The following CCDC61 variants were observed in gnomAD, a reference collection of about 807,000 sequenced individuals.
The protein encoded by CCDC61 is coiled-coil domain containing 61.
A neutral mutation model predicts 63.0 loss-of-function variants in CCDC61; 55 were observed. The ratio of observed to expected loss-of-function variants is 0.87; its 90% CI spans 0.70 to 1.09. The LOEUF (loss-of-function observed/expected upper bound fraction) is 1.09, where lower values mean the gene tolerates loss of function less well. Ranked by LOEUF, CCDC61 falls within the 50% of genes least tolerant of loss-of-function variation. The probability of loss-of-function intolerance (pLI) is 0.00; values close to 1 mark genes in which losing one functional copy is unlikely to be tolerated. For missense variants in CCDC61, 651 were observed against 731.4 expected (o/e 0.89, Z 1.27); for synonymous variants, 270 against 317.0 (o/e 0.85, Z 1.58).
At chr19:46,011,179 G>A (rs1345482828) in intron 5 of CCDC61, among the ~76,000 whole-genome samples, 1 of 151,728 alleles carries the variant, frequency 6.6e-6, no homozygotes, top group Non-Finnish European at 1.5e-5. Context: ...TTCCTGAGTA[G>A]CTGGGACTAC....
chr19:46,016,506 C>A lies in CCDC61; in HGVS notation c.1091+113C>A. 7.1e-7 allele frequency: 1 copy of A among 1,405,954 alleles called. No homozygotes were observed. Among genetic ancestry groups the A allele is most frequent in the Non-Finnish European group, 9.8e-7 (1 of 1,018,114 alleles). 87.1% of individuals were successfully genotyped at this position (1,405,954 alleles called of 1,614,324 possible). A position where few individuals can be genotyped will look rare whatever the true frequency, so the allele number is the denominator to read the frequency against. On this transcript the variant is annotated intron_variant, in intron 9 of 13. Coordinates refer to ENST00000595358, the MANE Select transcript of CCDC61 (RefSeq NM_001267723.2). The surrounding 1 kb of genome is among the most constrained non-coding windows in gnomAD (Gnocchi z 7.2). The stretch of plus-strand genomic sequence containing the variant: ...CATCCCCTGCCACCTGCTCGCTTCT[C>A]GCCGGATACCCCGCCTGCTCTCCCT...
Position 46,016,903 on chromosome 19 carries a change from C to A in CCDC61, c.1231+70C>A. ...GCGGGGCTGGGCGGGCTGGGAGGCA[C>A]TGGGCAGGGCGGGCGGGCTGGGAGG... On this transcript the variant is annotated intron_variant, in intron 10 of 13. Coordinates refer to ENST00000595358, the MANE Select transcript of CCDC61 (RefSeq NM_001267723.2). The surrounding 1 kb of genome is among the most constrained non-coding windows in gnomAD (Gnocchi z 7.2). The A allele has an allele frequency of 7.7e-6, 3 of 391,004 alleles. No individual in the cohort carries two copies. The highest frequency in any genetic ancestry group is 1.0e-5 in the Non-Finnish European group (2 of 200,200). The allele number at this position is 391,004 out of a possible 1,614,324, so 24.2% of individuals were successfully genotyped here.
rs1362510218 is a variant in CCDC61 at position 45,999,203 on chromosome 19, G to A, written c.-12+3699G>A. On this transcript the variant is annotated intron_variant, in intron 1 of 13. Transcript: ENST00000595358. ...GGAGAGGGAGTTGATGCCCCAGGGG[G>A]AACTGGGGTGCCGCAGTGTGCACCG... is the stretch of plus-strand genomic sequence containing the variant. Among the ~76,000 whole-genome samples the A allele has an allele frequency of 1.3e-5, 2 of 152,136 alleles. 1 individual carries two copies. Among genetic ancestry groups the A allele is most frequent in the Non-Finnish European group, 2.9e-5 (2 of 68,020 alleles).
intron 4 of CCDC61, among the ~76,000 whole-genome samples, 200 bp downstream of exon 4, chr19:46,006,916 C>G (rs1968722389): frequency 6.6e-6 from 1 of 152,226 alleles, no homozygotes; most frequent in African/African-American, 2.4e-5. Flanking sequence ...GTGCCCTAAA[C>G]AAACAATACA....
rs1326161120 is a variant in CCDC61 at position 46,017,034 on chromosome 19, CGATTTGGAG to C, written c.1281_1289del (p.Leu427_Asp429del). On this transcript the variant is annotated inframe_deletion, in exon 11 of 14. Coordinates refer to ENST00000595358, the MANE Select transcript of CCDC61 (RefSeq NM_001267723.2). ...GCTGCTCGTCTGCCAGCTCCTGCAG[CGATTTGGAG>C]GATTTCTCTGAGTCGCTCTCCAGAG... is the stretch of plus-strand genomic sequence containing the variant. 1 of 1,612,662 alleles carries C rather than the reference CGATTTGGAG, an allele frequency of 6.2e-7. No homozygotes were observed. Among genetic ancestry groups the C allele is most frequent in the Admixed American group, 1.7e-5 (1 of 59,880 alleles).
At chr19:46,012,645 TG>T (rs1445774863) in intron 5 of CCDC61, among the ~76,000 whole-genome samples, 1 of 138,478 alleles carries the variant, frequency 7.2e-6, no homozygotes, top group East Asian at 2.0e-4. Context: ...AGACTCTATG[TG>T]GAAAAAAAAA....
At chr19:45,998,510 T>C (rs2146450379) in intron 1 of CCDC61, among the ~76,000 whole-genome samples, 1 of 152,138 alleles carries the variant, frequency 6.6e-6, no homozygotes, top group South Asian at 2.1e-4. Context: ...GGAGAGGGGA[T>C]TGGAGCTGAG....
chr19:46,006,644 C>G lies in CCDC61; in HGVS notation c.317C>G (p.Ser106Cys). The G allele has an allele frequency of 6.2e-7, 1 of 1,613,856 alleles. No individual in the cohort carries two copies. ...RNRKMGGRPG[S>C]LAPRSAQLNS... Reference sequence around the variant, plus strand: ...CGCAAGATGGGGGGCCGCCCAGGCTCCTTGGCCCCCAGGTCGGCCCAGCTC... The same window carrying G: ...CGCAAGATGGGGGGCCGCCCAGGCTGCTTGGCCCCCAGGTCGGCCCAGCTC... Residue 106 changes from serine (S) to cysteine (C), a missense_variant, in exon 4 of 14, where the codon TCC becomes TGC. Ser to Cys is a moderately radical substitution (Grantham distance 112, BLOSUM62 -1). Transcript: ENST00000595358.
At chr19:45,996,065 G>A (rs1283722824) in intron 1 of CCDC61, among the ~76,000 whole-genome samples, 1 of 152,144 alleles carries the variant, frequency 6.6e-6, no homozygotes, top group Non-Finnish European at 1.5e-5. Context: ...CTCTGGCGTC[G>A]GGTTGAATCC....
intron 5 of CCDC61, among the ~76,000 whole-genome samples, chr19:46,010,755 G>A (rs1043486468): frequency 2.0e-5 from 3 of 152,202 alleles, no homozygotes; most frequent in Non-Finnish European, 1.5e-5. Context: ...AGTTACCCAC[G>A]TTTGCCCATC....
intron 4 of CCDC61, 80 bp from the exon 5 acceptor site, chr19:46,008,058 CTG>C (rs1600647179): frequency 1.4e-6 from 2 of 1,426,066 alleles, no homozygotes; most frequent in Non-Finnish European, 1.9e-6. Context: ...TTTTCGTACT[CTG>C]TGGCTCTCAG....
intron 4 of CCDC61, among the ~76,000 whole-genome samples, chr19:46,007,122 C>T (rs1260172694): frequency 6.6e-6 from 1 of 150,564 alleles, no homozygotes; most frequent in Non-Finnish European, 1.5e-5. Flanking sequence ...GATCTTGGCT[C>T]ACCGCAACCT....
intron 1 of CCDC61, among the ~76,000 whole-genome samples, chr19:46,000,786 G>C (rs1026178645): frequency 1.3e-5 from 2 of 150,276 alleles, no homozygotes; most frequent in South Asian, 4.2e-4. Flanking sequence ...TTTAGGCAGA[G>C]TATTCGGTGG....
At position 46,016,277 on chromosome 19, in the gene CCDC61, C is replaced by T. The variant is rs775766359; in HGVS notation, c.1016-41C>T. On this transcript the variant is annotated intron_variant, in intron 8 of 13. Coordinates refer to ENST00000595358, the MANE Select transcript of CCDC61 (RefSeq NM_001267723.2). The surrounding 1 kb of genome is among the most constrained non-coding windows in gnomAD (Gnocchi z 7.2). ...GGGACGCACTGGCGCTGCCAAGGCC[C>T]GTCTCCGGACCTAGCCGCCTCCTCT... 1.7e-5 allele frequency: 28 copies of T among 1,609,654 alleles called. No individual in the cohort carries two copies. Among genetic ancestry groups the T allele is most frequent in the Non-Finnish European group, 2.3e-5 (27 of 1,177,756 alleles).
rs1017454491 is a variant in CCDC61 at position 46,003,052 on chromosome 19, G to A, written c.34G>A (p.Val12Ile). ...GCCGGCTGGCCTGCAGGTGGACTAC[G>A]TCTTCCGGGGTGTGGAGCATGCCGT... ...DQPAGLQVDYVFRGVEHAVRV... is the reference protein window; with the variant it reads ...DQPAGLQVDYIFRGVEHAVRV... Residue 12 changes from valine to isoleucine, a missense_variant, in exon 2 of 14, where the codon GTC becomes ATC. Val to Ile is a conservative substitution (Grantham distance 29). Coordinates refer to ENST00000595358, the MANE Select transcript of CCDC61 (RefSeq NM_001267723.2). 5.7e-6 allele frequency: 9 copies of A among 1,590,292 alleles called. No homozygotes were observed. Among genetic ancestry groups the A allele is most frequent in the African/African-American group, 1.3e-5 (1 of 74,550 alleles).
intron 3 of CCDC61, among the ~76,000 whole-genome samples, chr19:46,005,133 C>T (rs759741437): frequency 6.6e-6 from 1 of 152,116 alleles, no homozygotes; most frequent in Non-Finnish European, 1.5e-5. Context: ...ATTTCAGCCT[C>T]CCGAGTAGCT....
intron 5 of CCDC61, among the ~76,000 whole-genome samples, chr19:46,012,031 G>A (rs747722596): frequency 1.3e-5 from 2 of 152,076 alleles, no homozygotes; most frequent in East Asian, 1.9e-4. Context: ...TCGAACTCTC[G>A]ACCTGTCTCA....
intron 3 of CCDC61, among the ~76,000 whole-genome samples, chr19:46,004,557 T>C (rs1968661379): frequency 2.0e-5 from 3 of 151,672 alleles, no homozygotes; most frequent in South Asian, 2.1e-4. Context: ...CTCTGCCTCC[T>C]GGGTTCAAGC....
rs778699680 is a variant in CCDC61 at position 46,018,319 on chromosome 19, A to G, written c.1471A>G (p.Met491Val). 6 of 1,574,614 alleles carry G rather than the reference A, an allele frequency of 3.8e-6. No homozygotes were observed. The African/African-American group carries it at 4.1e-5, about 11-fold the overall frequency. ...CAGCTCGGAGCACCAGGCGGCTGAC[A>G]TGGCCGAAATAGACGCACGCCTGAA... ...EYSSEHQAAD[M>V]AEIDARLKAL... Residue 491 changes from methionine (M) to valine (V), a missense_variant, in exon 14 of 14, where the codon ATG becomes GTG. By Grantham distance (21) the Met-to-Val change is conservative. Coordinates refer to ENST00000595358, the MANE Select transcript of CCDC61 (RefSeq NM_001267723.2). The surrounding 1 kb of genome is among the most constrained non-coding windows in gnomAD (Gnocchi z 4.2).
Sources: allele counts gnomAD v4.1 joint callset (sites outside exome capture counted in the v4.1 genomes callset), GRCh38; gene constraint gnomAD v4.1.1; non-coding constraint Gnocchi (gnomAD v3.1); transcripts MANE v1.5; gene names NCBI Gene and HGNC (gene_info 2026-07-23, HGNC 2026-07-21).